The following DHDDS variants were observed in gnomAD, a reference collection of about 807,000 sequenced individuals.
The protein encoded by DHDDS is dehydrodolichyl diphosphate synthase complex subunit DHDDS.
In DHDDS, 16 loss-of-function variants were observed where a neutral mutation model predicts 46.2. The observed-to-expected ratio is 0.35, with a 90% confidence interval of 0.23 to 0.53. The LOEUF is 0.53. Ranked by LOEUF, DHDDS falls within the 20% of genes least tolerant of loss-of-function variation. The pLI is 0.94. For missense variants in DHDDS, 340 were observed against 423.7 expected, an observed-to-expected ratio of 0.80 and a Z score of 1.73; for synonymous variants, 151 against 163.1, an observed-to-expected ratio of 0.93 and a Z score of 0.56.
rs1272002251 is a variant in DHDDS, at chr1:26,469,213, T to A, written c.*82T>A. 2.5e-6 allele frequency: 4 copies of A among 1,600,558 alleles called. No individual in the cohort carries two copies. The African/African-American group carries it at 5.3e-5, about 21-fold the overall frequency. ...CTTCCTTTTCTTGGTGAAAGGCACC[T>A]CCTTTCCTGATAATGAATGGTGTTC... On this transcript the variant is annotated 3_prime_UTR_variant, in exon 9 of 9. Coordinates refer to ENST00000236342, the MANE Select transcript of DHDDS (RefSeq NM_205861.3).
chr1:26,462,725 T>A (rs1042907045), intron 8 of DHDDS: 5 of 152,196 alleles, frequency 3.3e-5, no homozygotes, highest in African/African-American at 1.2e-4. Flanking sequence ...TCAGATACTT[T>A]GCATATGGTT....
chr1:26,450,059 A>T (rs1330640550), intron 6 of DHDDS, among the ~76,000 whole-genome samples: 2 of 152,224 alleles, frequency 1.3e-5, no homozygotes, highest in African/African-American at 4.8e-5. Context: ...AACAGTTCAG[A>T]CAGGGTTTAT....
intron 6 of DHDDS, chr1:26,448,076 T>C: frequency 3.1e-6 from 1 of 327,582 alleles, no homozygotes; most frequent in Non-Finnish European, 5.6e-6. Flanking sequence ...TATACCCTCC[T>C]GGCCCTTTGG....
chr1:26,467,514 T>G, intron 8 of DHDDS: 1 of 349,900 alleles, frequency 2.9e-6, no homozygotes, highest in Non-Finnish European at 6.2e-6. Context: ...CCTTTATTGC[T>G]GAGAGACAGC....
intron 8 of DHDDS, among the ~76,000 whole-genome samples, chr1:26,467,724 G>A (rs2075506784): frequency 6.6e-6 from 1 of 152,306 alleles, no homozygotes; most frequent in Non-Finnish European, 1.5e-5. Flanking sequence ...ATACAAGGTA[G>A]AATGTGGGAA....
At chr1:26,445,851 C>T (rs1399190047) in intron 4 of DHDDS, among the ~76,000 whole-genome samples, 1 of 151,850 alleles carries the variant, frequency 6.6e-6, no homozygotes, top group African/African-American at 2.4e-5. Flanking sequence ...GGTGAAACCT[C>T]ATCTCTACTA....
Position 26,447,612 on chromosome 1 carries a change from C to T in DHDDS, c.494C>T (p.Ala165Val), listed in dbSNP as rs1383907275. ...ACATCCCGTCATGAGATCAGCAATG[C>T]TGTGAGAGAGATGGCCTGGGGGGTG... Reference protein sequence around the residue: ...AYTSRHEISNAVREMAWGVEQ... With the variant: ...AYTSRHEISNVVREMAWGVEQ... Residue 165 changes from alanine (A) to valine (V), a missense_variant, in exon 6 of 9, where the codon GCT becomes GTT. This residue lies in a region of DHDDS where 268 missense variants were observed against 300.3 expected (regional missense o/e 0.89). Transcript: ENST00000236342. 3.1e-6 allele frequency: 5 copies of T among 1,614,174 alleles called. No homozygotes were observed. In the East Asian group the frequency reaches 8.9e-5, roughly 29 times the overall value.
At chr1:26,446,277 A>T in intron 4 of DHDDS, 39 bp from the exon 5 acceptor site, 4 of 1,598,138 alleles carry the variant, frequency 2.5e-6, no homozygotes, top group Non-Finnish European at 3.4e-6. Flanking sequence ...CCAGCTCAGC[A>T]GGGGCCCTAT....
chr1:26,439,041 C>G (rs1377264470), intron 3 of DHDDS, among the ~76,000 whole-genome samples: 1 of 152,162 alleles, frequency 6.6e-6, no homozygotes, highest in East Asian at 1.9e-4. Flanking sequence ...AAGTGATTTT[C>G]TGCCTCAGCC....
At chr1:26,434,991 T>A (rs2124345838) in intron 2 of DHDDS, among the ~76,000 whole-genome samples, 1 of 150,784 alleles carries the variant, frequency 6.6e-6, no homozygotes, top group South Asian at 2.1e-4. Flanking sequence ...TCAAAAAAAG[T>A]CTTTTTTGTT....
chr1:26,435,851 G>A (rs2075149443), intron 2 of DHDDS, among the ~76,000 whole-genome samples: 1 of 152,038 alleles, frequency 6.6e-6, no homozygotes, highest in Non-Finnish European at 1.5e-5. Context: ...CTGACCTCGT[G>A]ATCTGCCCGC....
At chr1:26,457,236 G>A (rs774677631) in intron 6 of DHDDS, among the ~76,000 whole-genome samples, 10 of 151,098 alleles carry the variant, frequency 6.6e-5, no homozygotes, top group Non-Finnish European at 1.5e-4. Flanking sequence ...AGGGGGGGGC[G>A]GATCACGAGG....
At chr1:26,442,638 T>C in intron 3 of DHDDS, 93 bp from the exon 4 acceptor site, 2 of 1,497,100 alleles carry the variant, frequency 1.3e-6, no homozygotes, top group South Asian at 1.1e-5. Flanking sequence ...GTCTGTCTCC[T>C]ATCTCCAACT....
At chr1:26,438,332 G>T (rs1316089553) in intron 3 of DHDDS, 48 bp downstream of exon 3, 1 of 1,542,916 alleles carries the variant, frequency 6.5e-7, no homozygotes, top group Admixed American at 1.7e-5. Flanking sequence ...TGGAGAGGTA[G>T]ATTATAGCTA....
chr1:26,432,992 G>C lies in DHDDS; in HGVS notation c.47G>C (p.Cys16Ser). The stretch of plus-strand genomic sequence containing the variant: ...GAGCTGTCACTTTGGGAGCGGTTCT[G>C]TGCCAACATCATAAAGGTGAGCAAT... Reference protein sequence around the residue: ...EGELSLWERFCANIIKAGPMP... With the variant: ...EGELSLWERFSANIIKAGPMP... The change falls in exon 2 of 9, where the codon TGT (cysteine) becomes TCT (serine). Residue 16 changes from cysteine to serine, a missense_variant. Physicochemically the swap from Cys to Ser is moderately radical, Grantham distance 112 (BLOSUM62 -1). This residue lies in a region of DHDDS where 72 missense variants were observed against 123.5 expected (regional missense o/e 0.58). Coordinates refer to ENST00000236342, the MANE Select transcript of DHDDS (RefSeq NM_205861.3). 1.2e-6 allele frequency: 2 copies of C among 1,614,228 alleles called. No homozygotes were observed. The highest frequency in any genetic ancestry group is 2.2e-5 in the East Asian group (1 of 44,890).
chr1:26,439,264 A>G (rs946875749), intron 3 of DHDDS, among the ~76,000 whole-genome samples: 8 of 152,106 alleles, frequency 5.3e-5, no homozygotes, highest in Non-Finnish European at 1.0e-4. Context: ...AGGTGTATAT[A>G]TAAGCTTTCT....
At chr1:26,435,873 A>G (rs904510185) in intron 2 of DHDDS, among the ~76,000 whole-genome samples, 1 of 152,036 alleles carries the variant, frequency 6.6e-6, no homozygotes, top group African/African-American at 2.4e-5. Context: ...TTCGCCTCCC[A>G]AAGTGCTGAG....
chr1:26,468,834 C>T, intron 8 of DHDDS, 61 bp from the exon 9 acceptor site: 5 of 1,152,382 alleles, frequency 4.3e-6, no homozygotes, highest in Non-Finnish European at 6.1e-6. Context: ...CCTCCTCCAT[C>T]CCAGTTTCAC....
chr1:26,458,956 C>CA (rs1295290997), intron 7 of DHDDS, among the ~76,000 whole-genome samples: 1 of 151,554 alleles, frequency 6.6e-6, no homozygotes, highest in Non-Finnish European at 1.5e-5. Flanking sequence ...TCATGTCTTA[C>CA]AAAAAATGAG....
Sources: allele counts gnomAD v4.1 joint callset (sites outside exome capture counted in the v4.1 genomes callset), GRCh38; gene constraint gnomAD v4.1.1; regional missense constraint gnomAD v4.1.1; transcripts MANE v1.5; gene names NCBI Gene and HGNC (gene_info 2026-07-23, HGNC 2026-07-21).